The following GPC6 variants were observed in gnomAD, a reference collection of about 807,000 sequenced individuals.
GPC6 encodes the protein glypican 6.
A neutral mutation model predicts 55.2 loss-of-function variants in GPC6; 14 were observed. The observed-to-expected ratio is 0.25, with a 90% CI of 0.17 to 0.40. The LOEUF is 0.40. Ranked by LOEUF, GPC6 falls within the 10% of genes least tolerant of loss-of-function variation. GPC6 has a pLI of 1.00. For synonymous variants in GPC6, 278 were observed against 259.6 expected, an observed-to-expected ratio of 1.07 and a Z score of -0.68; for missense variants, 641 against 708.5, an observed-to-expected ratio of 0.90 and a Z score of 1.08.
At chr13:93,566,132 T>C (rs890419157) in intron 2 of GPC6, among the ~76,000 whole-genome samples, 6 of 152,082 alleles carry the variant, frequency 3.9e-5, no homozygotes, top group Non-Finnish European at 5.9e-5. Flanking sequence ...ATTTAAGAGA[T>C]TGGAGAAATG....
intron 1 of GPC6, among the ~76,000 whole-genome samples, chr13:93,324,589 T>TATATATATATACACACATACATAC (rs1566299602): frequency 2.7e-3 from 278 of 101,304 alleles, no homozygotes; most frequent in African/African-American, 0.013. Context: ...CATACATACA[T>TATATATATATACACACATACATAC]ATATATATAT....
chr13:93,353,681 A>T (rs1293342058), intron 1 of GPC6, among the ~76,000 whole-genome samples: 1 of 152,212 alleles, frequency 6.6e-6, no homozygotes, highest in East Asian at 1.9e-4. Flanking sequence ...ATTTTTCAGC[A>T]CGTGAGGCTG....
chr13:94,146,236 A>G (rs1360839177), intron 4 of GPC6, among the ~76,000 whole-genome samples: 1 of 152,106 alleles, frequency 6.6e-6, no homozygotes, highest in Non-Finnish European at 1.5e-5. Flanking sequence ...TGCCTGGTGC[A>G]TTGTAGATGT....
intron 1 of GPC6, among the ~76,000 whole-genome samples, chr13:93,330,856 C>T (rs1406136199): frequency 1.3e-5 from 2 of 152,170 alleles, no homozygotes; most frequent in Non-Finnish European, 2.9e-5. Context: ...AAATGATTGA[C>T]ATGCAAATAA....
At chr13:94,285,397 T>C (rs1270634633) in intron 4 of GPC6, among the ~76,000 whole-genome samples, 2 of 152,168 alleles carry the variant, frequency 1.3e-5, no homozygotes, top group African/African-American at 4.8e-5. Flanking sequence ...GAGTTCAACG[T>C]GGAACAGAAA....
At chr13:93,608,042 T>G (rs1225671951) in intron 2 of GPC6, among the ~76,000 whole-genome samples, 5 of 152,218 alleles carry the variant, frequency 3.3e-5, no homozygotes, top group Non-Finnish European at 5.9e-5. Flanking sequence ...GGAGTATTTT[T>G]TTTTCTAGTA....
intron 4 of GPC6, among the ~76,000 whole-genome samples, chr13:94,081,210 A>G (rs1288914296): frequency 1.3e-5 from 2 of 152,360 alleles, no homozygotes; most frequent in African/African-American, 2.4e-5. Flanking sequence ...TAATATTTGT[A>G]TCAGCCAACC....
At chr13:93,268,662 G>A (rs1877408335) in intron 1 of GPC6, among the ~76,000 whole-genome samples, 1 of 152,040 alleles carries the variant, frequency 6.6e-6, no homozygotes, top group Admixed American at 6.5e-5. Flanking sequence ...CATCTATATT[G>A]GACTTCTTTG....
chr13:94,220,817 G>T (rs970409525), intron 4 of GPC6, among the ~76,000 whole-genome samples: 13 of 151,954 alleles, frequency 8.6e-5, no homozygotes, highest in Non-Finnish European at 1.6e-4. Flanking sequence ...GTTGAATTGG[G>T]GGCCCATAAT....
chr13:93,672,197 C>T lies in GPC6; in HGVS notation c.319+126776C>T, dbSNP rs1438176929. On this transcript the variant is annotated intron_variant, in intron 2 of 8. Coordinates refer to ENST00000377047, the MANE Select transcript of GPC6 (RefSeq NM_005708.5). ...ATAGTGTGTGAGCCTATTTTAATGACTGTGTGTGTGTGTGTATATGTGTGT... is the reference window on the plus strand; with the variant it reads ...ATAGTGTGTGAGCCTATTTTAATGATTGTGTGTGTGTGTGTATATGTGTGT... 7.2e-5 allele frequency among the ~76,000 whole-genome samples: 10 copies of T among 138,884 alleles called. No individual in the cohort carries two copies. The Admixed American group carries it at 7.4e-4, about 10-fold the overall frequency. 91.1% of individuals were successfully genotyped at this position (138,884 alleles called of 152,430 possible).
chr13:94,014,972 G>A (rs1044148815), intron 3 of GPC6, among the ~76,000 whole-genome samples: 1 of 152,124 alleles, frequency 6.6e-6, no homozygotes, highest in Non-Finnish European at 1.5e-5. Flanking sequence ...CAGTTTGGAG[G>A]TACTATGAAG....
chr13:93,678,312 A>G (rs1881723441), intron 2 of GPC6, among the ~76,000 whole-genome samples: 1 of 152,174 alleles, frequency 6.6e-6, no homozygotes. Context: ...TAGATATAGC[A>G]TAGTCTCTTT....
At chr13:94,140,788 CT>C (rs1277102225) in intron 4 of GPC6, among the ~76,000 whole-genome samples, 1 of 152,102 alleles carries the variant, frequency 6.6e-6, no homozygotes, top group East Asian at 1.9e-4. Context: ...CCAGGAGCAA[CT>C]TTCATTTCTT....
At chr13:93,606,264 G>T (rs1318243196) in intron 2 of GPC6, among the ~76,000 whole-genome samples, 1 of 152,172 alleles carries the variant, frequency 6.6e-6, no homozygotes, top group Non-Finnish European at 1.5e-5. Context: ...AACATGTGCT[G>T]ACTTTCAATG....
intron 1 of GPC6, among the ~76,000 whole-genome samples, chr13:93,357,773 T>C (rs551348704): frequency 6.6e-6 from 1 of 152,314 alleles, no homozygotes; most frequent in Admixed American, 6.5e-5. Flanking sequence ...AGATTGAGGC[T>C]ACAGTGAGCC....
intron 4 of GPC6, among the ~76,000 whole-genome samples, chr13:94,099,700 G>A (rs752968434): frequency 4.6e-5 from 7 of 152,102 alleles, no homozygotes; most frequent in Non-Finnish European, 8.8e-5. Flanking sequence ...ATGGAAGATA[G>A]GAGTACACTG....
At chr13:93,824,797 A>C (rs1887175870) in intron 2 of GPC6, among the ~76,000 whole-genome samples, 1 of 152,098 alleles carries the variant, frequency 6.6e-6, no homozygotes, top group South Asian at 2.1e-4. Context: ...ATCACTATCA[A>C]AGAGAAGTCC....
chr13:93,676,121 AAAAAAATATATATATAT>A (rs1460064538), intron 2 of GPC6, among the ~76,000 whole-genome samples: 12 of 11,974 alleles, frequency 1.0e-3, no homozygotes, highest in Admixed American at 2.8e-3. Context: ...AAAAAAAAAA[AAAAAAATATATATATAT>A]ATATATATAT....
At chr13:94,011,821 T>C (rs571288240) in intron 3 of GPC6, among the ~76,000 whole-genome samples, 1 of 152,336 alleles carries the variant, frequency 6.6e-6, no homozygotes, top group South Asian at 2.1e-4. Context: ...ATTCTTCTGC[T>C]GTGGATCTTG....
Sources: allele counts gnomAD v4.1 joint callset (sites outside exome capture counted in the v4.1 genomes callset), GRCh38; gene constraint gnomAD v4.1.1; transcripts MANE v1.5; gene names NCBI Gene and HGNC (gene_info 2026-07-23, HGNC 2026-07-21).